CDK19: variants seen among roughly 807,000 people sequenced by gnomAD.
CDK19 encodes the protein cyclin dependent kinase 19, also known as cyclin-dependent kinase 19.
In CDK19, 20 loss-of-function variants were observed where a neutral mutation model predicts 68.3. The ratio of observed to expected loss-of-function variants is 0.29; its 90% CI spans 0.21 to 0.43. The LOEUF (loss-of-function observed/expected upper bound fraction) is 0.43. CDK19 is among the 20% of genes least tolerant of loss of function. The pLI is 1.00. For missense variants in CDK19, 339 were observed against 623.5 expected (o/e 0.54, Z 4.86); for synonymous variants, 221 against 222.8 (o/e 0.99, Z 0.07).
intron 2 of CDK19, among the ~76,000 whole-genome samples, chr6:110,723,960 T>C (rs998118343): frequency 6.6e-6 from 1 of 151,544 alleles, no homozygotes; most frequent in African/African-American, 2.4e-5. Context: ...TGGTCTACAA[T>C]TGATAGTAAT....
At chr6:110,756,790 T>C (rs945379447) in intron 1 of CDK19, among the ~76,000 whole-genome samples, 3 of 152,148 alleles carry the variant, frequency 2.0e-5, no homozygotes, top group African/African-American at 4.8e-5. Context: ...TGAAATTAAG[T>C]CCATTTACAA....
intron 1 of CDK19, among the ~76,000 whole-genome samples, chr6:110,810,091 G>T (rs1782970541): frequency 6.6e-6 from 1 of 152,114 alleles, no homozygotes; most frequent in Admixed American, 6.6e-5. Flanking sequence ...AAGGACTTAA[G>T]TACCAGAAAA....
At chr6:110,775,982 G>A (rs1434938360) in intron 1 of CDK19, among the ~76,000 whole-genome samples, 1 of 152,194 alleles carries the variant, frequency 6.6e-6, no homozygotes, top group East Asian at 1.9e-4. Flanking sequence ...GTTGTTCAAT[G>A]AGGACACCTT....
At chr6:110,790,499 C>T (rs959101405) in intron 1 of CDK19, among the ~76,000 whole-genome samples, 8 of 152,018 alleles carry the variant, frequency 5.3e-5, no homozygotes, top group Non-Finnish European at 8.8e-5. Flanking sequence ...CACACCACTA[C>T]GCTCTAGCCT....
At chr6:110,679,439 A>G (rs1280733656) in intron 2 of CDK19, among the ~76,000 whole-genome samples, 1 of 151,972 alleles carries the variant, frequency 6.6e-6, no homozygotes, top group Non-Finnish European at 1.5e-5. Context: ...ATGGTGAAAC[A>G]CCATCTCTAC....
chr6:110,814,464 C>T (rs1344713053), intron 1 of CDK19: 2 of 369,206 alleles, frequency 5.4e-6, no homozygotes, highest in East Asian at 1.7e-4. Context: ...GCCCGAAGGG[C>T]GGAGATCGCT....
Position 110,746,126 on chromosome 6 carries a change from TG to T in CDK19, c.203del (p.Ala68AspfsTer6). 1.3e-6 allele frequency: 2 copies of T among 1,550,104 alleles called. No homozygotes were observed. On this transcript the variant is annotated frameshift_variant and splice_region_variant, in exon 2 of 13. Transcript: ENST00000368911. LOFTEE classifies it high-confidence loss of function. ...GISMSACREI[A>X]LLRELKHPNV... ...AATAACTGTATTTGTATCCACTTAC[TG>T]CAATCTCTCTACAAGCCGACATGGA...
chr6:110,668,110 C>T (rs542123132), intron 3 of CDK19, among the ~76,000 whole-genome samples: 37 of 151,988 alleles, frequency 2.4e-4, no homozygotes, highest in Non-Finnish European at 4.9e-4. Flanking sequence ...AAATTCGATC[C>T]CATTGAAATA....
In CDK19 at chr6:110,815,394, C is replaced by G. The variant is rs1266827257; in HGVS notation, c.-258G>C. The G allele has an allele frequency of 1.1e-5, 4 of 360,922 alleles. No individual in the cohort carries two copies. The highest frequency in any genetic ancestry group is 2.0e-5 in the Non-Finnish European group (4 of 203,288). The allele number at this position is 360,922 out of a possible 1,614,324, so 22.4% of individuals were successfully genotyped here. ...CTCCCGCAGGCACCCCCAGTCCCGC[C>G]TCCCTCCTTCATTTCCTTGTTTTGG... On this transcript the variant is annotated 5_prime_UTR_variant, in exon 1 of 13. Transcript: ENST00000368911.
chr6:110,615,883 G>T (rs1347834420), intron 12 of CDK19, among the ~76,000 whole-genome samples: 3 of 152,092 alleles, frequency 2.0e-5, no homozygotes, highest in African/African-American at 7.2e-5. Context: ...AGGCTTTTCA[G>T]ACTTTTGCAT....
chr6:110,797,117 G>A (rs975138264), intron 1 of CDK19, among the ~76,000 whole-genome samples: 1 of 151,886 alleles, frequency 6.6e-6, no homozygotes, highest in East Asian at 1.9e-4. Context: ...CAAGGTGGGT[G>A]GATCACGAGG....
chr6:110,677,999 A>G (rs2114495865), intron 2 of CDK19, among the ~76,000 whole-genome samples: 1 of 152,202 alleles, frequency 6.6e-6, no homozygotes, highest in South Asian at 2.1e-4. Flanking sequence ...GCTGTGAGCC[A>G]CCATGCCCAG....
intron 1 of CDK19, among the ~76,000 whole-genome samples, chr6:110,784,987 G>A (rs1467638064): frequency 1.3e-5 from 2 of 149,656 alleles, no homozygotes; most frequent in Non-Finnish European, 3.0e-5. Flanking sequence ...AATGTGTACA[G>A]AGTGTTTGTG....
intron 4 of CDK19, among the ~76,000 whole-genome samples, chr6:110,652,989 A>C (rs1381556265): frequency 6.6e-6 from 1 of 152,190 alleles, no homozygotes; most frequent in Non-Finnish European, 1.5e-5. Flanking sequence ...GGGCTCCTGT[A>C]GTCAAGTTAA....
intron 2 of CDK19, among the ~76,000 whole-genome samples, chr6:110,743,645 C>T (rs1263246289): frequency 6.9e-6 from 1 of 143,910 alleles, no homozygotes; most frequent in Non-Finnish European, 1.5e-5. Flanking sequence ...CTGTCTCCTA[C>T]AAAAAAAAAA....
chr6:110,728,527 C>G (rs1224516337), intron 2 of CDK19, among the ~76,000 whole-genome samples: 1 of 151,854 alleles, frequency 6.6e-6, no homozygotes, highest in Non-Finnish European at 1.5e-5. Flanking sequence ...CCTACATCTT[C>G]TCCTCTATCT....
At chr6:110,627,961 G>A (rs1188540746) in intron 6 of CDK19, among the ~76,000 whole-genome samples, 1 of 152,150 alleles carries the variant, frequency 6.6e-6, no homozygotes, top group Non-Finnish European at 1.5e-5. Context: ...TGTATTCCAA[G>A]TACTTTGGGA....
intron 2 of CDK19, among the ~76,000 whole-genome samples, chr6:110,672,211 G>A (rs76937097): frequency 0.027 from 4,134 of 152,230 alleles, 80 homozygotes; most frequent in South Asian, 0.084. Context: ...ATTGATGAAC[G>A]TAGAGAGTTT....
intron 1 of CDK19, among the ~76,000 whole-genome samples, chr6:110,776,446 A>AC: frequency 6.6e-6 from 1 of 151,976 alleles, no homozygotes; most frequent in South Asian, 2.1e-4. Context: ...AAAAAAAAGA[A>AC]CCAGAGAAAA....
Sources: gnomAD v4.1 joint callset for allele counts (sites outside exome capture counted in the v4.1 genomes callset) on GRCh38, gnomAD v4.1.1 for gene constraint, MANE v1.5 for transcripts, NCBI Gene and HGNC (gene_info 2026-07-23, HGNC 2026-07-21) for gene names.